Variants in CNTN5 observed in about 807,000 individuals in gnomAD.
CNTN5 encodes contactin 5.
CNTN5 carries 77 observed loss-of-function variants against 129.1 expected under a neutral mutation model. The observed-to-expected ratio is 0.60, with a 90% CI of 0.50 to 0.72. The LOEUF (loss-of-function observed/expected upper bound fraction) is 0.72, where lower values mean the gene tolerates loss of function less well. Among genes scored for constraint, CNTN5 ranks in the 30% least tolerant of loss-of-function variants. CNTN5 has a pLI of 0.00. For missense variants in CNTN5, 1,478 were observed against 1,328.8 expected (o/e 1.11, Z -1.75); for synonymous variants, 509 against 465.6 (o/e 1.09, Z -1.20).
chr11:99,204,602 G>A (rs1039395630), intron 1 of CNTN5, among the ~76,000 whole-genome samples: 1 of 152,122 alleles, frequency 6.6e-6, no homozygotes, highest in African/African-American at 2.4e-5. Flanking sequence ...CATGACAAAA[G>A]TTATGTCAGC....
At chr11:99,550,268 T>A (rs971676492) in intron 2 of CNTN5, among the ~76,000 whole-genome samples, 6 of 152,116 alleles carry the variant, frequency 3.9e-5, no homozygotes, top group Non-Finnish European at 8.8e-5. Flanking sequence ...AGCCAAAATA[T>A]TTTTTTGCTG....
chr11:99,754,049 T>C (rs937218462), intron 3 of CNTN5, among the ~76,000 whole-genome samples: 8 of 151,954 alleles, frequency 5.3e-5, no homozygotes, highest in Admixed American at 3.3e-4. Flanking sequence ...TACAACACAT[T>C]TATGTGTGAC....
chr11:99,939,168 T>C (rs996984640), intron 7 of CNTN5, among the ~76,000 whole-genome samples: 10 of 152,134 alleles, frequency 6.6e-5, no homozygotes, highest in African/African-American at 2.4e-4. Context: ...AACATTTCTC[T>C]AACAATGTAA....
intron 6 of CNTN5, among the ~76,000 whole-genome samples, chr11:99,845,882 C>G (rs925731587): frequency 6.6e-6 from 1 of 151,854 alleles, no homozygotes; most frequent in Non-Finnish European, 1.5e-5. Flanking sequence ...AATGATAATC[C>G]AAATTTCTTT....
intron 13 of CNTN5, among the ~76,000 whole-genome samples, chr11:100,119,516 C>T (rs577535188): frequency 6.6e-6 from 1 of 151,762 alleles, no homozygotes; most frequent in Non-Finnish European, 1.5e-5. Context: ...AAGGATGATT[C>T]CTTTAGATTT....
intron 3 of CNTN5, among the ~76,000 whole-genome samples, chr11:99,744,212 A>G (rs1591078798): frequency 6.6e-6 from 1 of 152,072 alleles, no homozygotes; most frequent in Admixed American, 6.6e-5. Context: ...TTTCAGTTCT[A>G]TTGCAAATAT....
rs866527233 is a variant in CNTN5 at position 100,050,340 on chromosome 11, T to C, written c.981-10872T>C. Among the ~76,000 whole-genome samples the C allele has an allele frequency of 5.3e-4, 80 of 152,124 alleles. No individual in the cohort carries two copies. The South Asian group carries it at 8.9e-3, about 17-fold the overall frequency. On this transcript the variant is annotated intron_variant, in intron 9 of 24. Coordinates refer to ENST00000524871, the MANE Select transcript of CNTN5 (RefSeq NM_014361.4). ...GTCCTTTGTAGGGACATGGATGAAA[T>C]TGGAAATCATCATTCTCAATAAACT...
intron 3 of CNTN5, among the ~76,000 whole-genome samples, chr11:99,756,791 G>T (rs1432074496): frequency 2.6e-5 from 4 of 151,856 alleles, no homozygotes; most frequent in Admixed American, 1.3e-4. Flanking sequence ...AATTATAAAA[G>T]AATGAGTTAT....
chr11:100,128,941 C>T (rs188207881), intron 13 of CNTN5, among the ~76,000 whole-genome samples: 117 of 152,132 alleles, frequency 7.7e-4, no homozygotes, highest in Non-Finnish European at 1.4e-3. Context: ...TAGTGTTCTG[C>T]AATTATACAT....
chr11:99,381,243 T>A (rs761333963), intron 2 of CNTN5, among the ~76,000 whole-genome samples: 6 of 152,090 alleles, frequency 3.9e-5, no homozygotes, highest in Admixed American at 6.6e-5. Flanking sequence ...GACAAGAGGA[T>A]CATTAGGTGA....
intron 1 of CNTN5, among the ~76,000 whole-genome samples, chr11:99,127,832 C>G (rs1172524653): frequency 1.4e-4 from 21 of 152,164 alleles, no homozygotes; most frequent in Admixed American, 1.4e-3. Flanking sequence ...CCATTAACGT[C>G]TTTATCACAT....
Position 99,433,387 on chromosome 11 carries a change from G to T in CNTN5, c.-71+107903G>T, listed in dbSNP as rs1410091261. On this transcript the variant is annotated intron_variant, in intron 2 of 24. Coordinates refer to ENST00000524871, the MANE Select transcript of CNTN5 (RefSeq NM_014361.4). The stretch of plus-strand genomic sequence containing the variant: ...AAAAAAAAAATGTGTGTGTGTGTGT[G>T]TGTGTGTGTGTGTGTCTTTGTGTGT... 2.2e-4 allele frequency among the ~76,000 whole-genome samples: 11 copies of T among 50,874 alleles called. No individual in the cohort carries two copies. In the South Asian group the frequency reaches 9.7e-3, roughly 45 times the overall value. 33.4% of individuals were successfully genotyped at this position (50,874 alleles called of 152,430 possible).
intron 7 of CNTN5, among the ~76,000 whole-genome samples, chr11:99,944,419 A>G (rs1022376394): frequency 1.3e-5 from 2 of 152,122 alleles, no homozygotes; most frequent in African/African-American, 2.4e-5. Context: ...CCGAATGGGC[A>G]AAAGCTGGAA....
chr11:99,313,110 G>GTT (rs11335927), intron 1 of CNTN5, among the ~76,000 whole-genome samples: 10 of 142,860 alleles, frequency 7.0e-5, no homozygotes, highest in Non-Finnish European at 9.3e-5. Flanking sequence ...AAGATTTGAA[G>GTT]TTTTTTTTTT....
intron 9 of CNTN5, among the ~76,000 whole-genome samples, chr11:100,028,353 A>G (rs1941534612): frequency 2.0e-5 from 3 of 152,208 alleles, no homozygotes; most frequent in Non-Finnish European, 1.5e-5. Flanking sequence ...CTATGACACC[A>G]AATAAATTAT....
chr11:100,053,388 T>C (rs1943059810), intron 9 of CNTN5, among the ~76,000 whole-genome samples: 1 of 151,664 alleles, frequency 6.6e-6, no homozygotes, highest in Non-Finnish European at 1.5e-5. Flanking sequence ...AATTCTTACA[T>C]TTAATGCTGG....
intron 21 of CNTN5, among the ~76,000 whole-genome samples, chr11:100,320,084 T>C (rs563868806): frequency 1.1e-4 from 16 of 152,274 alleles, no homozygotes; most frequent in African/African-American, 3.9e-4. Flanking sequence ...AGTAGTGAGA[T>C]TGCCAGATTA....
At chr11:100,112,139 G>C (rs1174518582) in intron 13 of CNTN5, among the ~76,000 whole-genome samples, 3 of 152,140 alleles carry the variant, frequency 2.0e-5, no homozygotes, top group Admixed American at 2.0e-4. Context: ...GAAGATGCCT[G>C]TGTAATTTCT....
intron 1 of CNTN5, among the ~76,000 whole-genome samples, chr11:99,302,340 T>TA (rs1291364428): frequency 2.0e-5 from 3 of 151,480 alleles, no homozygotes; most frequent in African/African-American, 7.3e-5. Flanking sequence ...ATGACCAAGA[T>TA]AAAAATAAAG....
Sources: allele counts gnomAD v4.1 joint callset (sites outside exome capture counted in the v4.1 genomes callset), GRCh38; gene constraint gnomAD v4.1.1; transcripts MANE v1.5; gene names NCBI Gene and HGNC (gene_info 2026-07-23, HGNC 2026-07-21).